PTPRT: variants seen among roughly 807,000 people sequenced by gnomAD.
PTPRT encodes the protein receptor-type tyrosine-protein phosphatase T.
A neutral mutation model predicts 176.8 loss-of-function variants in PTPRT; 56 were observed. That is an observed-to-expected ratio of 0.32 (90% confidence interval 0.26 to 0.40). The LOEUF is 0.40. PTPRT is among the 10% of genes least tolerant of loss of function. The pLI is 1.00. For synonymous variants in PTPRT, 783 were observed against 739.0 expected, an observed-to-expected ratio of 1.06 and a Z score of -0.96; for missense variants, 1,540 against 1,908.2, an observed-to-expected ratio of 0.81 and a Z score of 3.60.
chr20:42,568,477 CACCTATA>C (rs2073087523), intron 7 of PTPRT, among the ~76,000 whole-genome samples: 1 of 152,168 alleles, frequency 6.6e-6, no homozygotes, highest in African/African-American at 2.4e-5. Context: ...CTCCGAAGTC[CACCTATA>C]ACCTGCTTCT....
At chr20:42,678,272 C>A in intron 6 of PTPRT, 113 bp from the exon 7 acceptor site, 2 of 951,834 alleles carry the variant, frequency 2.1e-6, no homozygotes, top group Non-Finnish European at 3.0e-6. Context: ...AAAAAATAGT[C>A]AGAAACCCCT....
chr20:42,883,798 C>T (rs1479962523), intron 2 of PTPRT, among the ~76,000 whole-genome samples: 25 of 128,812 alleles, frequency 1.9e-4, no homozygotes, highest in Non-Finnish European at 2.5e-4. Context: ...CCCATACACA[C>T]ACAACCCTTA....
chr20:43,112,882 A>G (rs1044011751), intron 1 of PTPRT, among the ~76,000 whole-genome samples: 9 of 151,922 alleles, frequency 5.9e-5, no homozygotes, highest in Admixed American at 2.6e-4. Context: ...TAACTCATTC[A>G]TGATATAAAC....
chr20:42,275,832 G>C (rs1477253498), intron 13 of PTPRT, among the ~76,000 whole-genome samples: 1 of 152,142 alleles, frequency 6.6e-6, no homozygotes, highest in Non-Finnish European at 1.5e-5. Flanking sequence ...ACAAGTCAAG[G>C]AGAATTTGTT....
intron 8 of PTPRT, among the ~76,000 whole-genome samples, chr20:42,456,150 T>C (rs2070919708): frequency 6.6e-6 from 1 of 152,050 alleles, no homozygotes; most frequent in South Asian, 2.1e-4. Flanking sequence ...CTAAATACCT[T>C]ATATTTTTAT....
intron 9 of PTPRT, among the ~76,000 whole-genome samples, chr20:42,447,704 C>G (rs1253424637): frequency 6.6e-6 from 1 of 152,116 alleles, no homozygotes; most frequent in Non-Finnish European, 1.5e-5. Context: ...TAAGGCCCAG[C>G]TAATGCTTGG....
At chr20:42,748,994 T>G (rs527247534) in intron 6 of PTPRT, among the ~76,000 whole-genome samples, 2 of 152,180 alleles carry the variant, frequency 1.3e-5, no homozygotes, top group Admixed American at 6.5e-5. Context: ...CTGCCCTGAG[T>G]CTGCTTCTAG....
intron 16 of PTPRT, among the ~76,000 whole-genome samples, chr20:42,192,516 T>TG (rs940093737): frequency 6.6e-6 from 1 of 152,124 alleles, no homozygotes; most frequent in Non-Finnish European, 1.5e-5. Flanking sequence ...GAGGTCTGTG[T>TG]GGTAAAGAAC....
chr20:42,324,685 C>T (rs2057856211), intron 11 of PTPRT, among the ~76,000 whole-genome samples: 1 of 152,184 alleles, frequency 6.6e-6, no homozygotes, highest in Non-Finnish European at 1.5e-5. Flanking sequence ...CAAGTGTGAG[C>T]TTTGTAATGC....
intron 1 of PTPRT, among the ~76,000 whole-genome samples, chr20:42,921,047 T>C (rs1334013032): frequency 6.6e-6 from 1 of 152,166 alleles, no homozygotes; most frequent in Non-Finnish European, 1.5e-5. Flanking sequence ...AAAATGCTCA[T>C]GATGAAATGT....
At chr20:42,104,745 G>C (rs1296419210) in intron 24 of PTPRT, 27 bp from the exon 25 acceptor site, 12 of 1,543,098 alleles carry the variant, frequency 7.8e-6, no homozygotes, top group Non-Finnish European at 9.9e-6. Context: ...GAGGGAATGG[G>C]GTGCCAGGTA....
intron 3 of PTPRT, among the ~76,000 whole-genome samples, chr20:42,789,301 T>G (rs1180806839): frequency 6.6e-6 from 1 of 152,254 alleles, no homozygotes; most frequent in Non-Finnish European, 1.5e-5. Flanking sequence ...AAAATTAATT[T>G]CACTGATTTC....
At chr20:42,081,007 C>A in intron 30 of PTPRT, 75 bp from the exon 31 acceptor site, 1 of 1,277,046 alleles carries the variant, frequency 7.8e-7, no homozygotes, top group Non-Finnish European at 1.1e-6. Context: ...AGGGAAAATG[C>A]ATTTAGTTTA....
chr20:42,619,027 T>C (rs1209033388), intron 7 of PTPRT, among the ~76,000 whole-genome samples: 3 of 151,794 alleles, frequency 2.0e-5, no homozygotes, highest in Non-Finnish European at 4.4e-5. Context: ...TGCAGTTTCT[T>C]CCTAGTCTCG....
chr20:42,178,398 G>A (rs1990380784), intron 16 of PTPRT, among the ~76,000 whole-genome samples: 1 of 152,164 alleles, frequency 6.6e-6, no homozygotes. Flanking sequence ...CCTGGCAGCT[G>A]CAATGAGAGG....
chr20:42,147,132 C>A (rs1277345974), intron 17 of PTPRT, among the ~76,000 whole-genome samples: 1 of 152,178 alleles, frequency 6.6e-6, no homozygotes, highest in African/African-American at 2.4e-5. Context: ...GAAAGGGTAG[C>A]ATCTTTGTCA....
chr20:42,591,917 G>A (rs565426873), intron 7 of PTPRT, among the ~76,000 whole-genome samples: 17 of 150,442 alleles, frequency 1.1e-4, no homozygotes, highest in Admixed American at 1.3e-4. Context: ...CACAAACTTC[G>A]TTCTTAGTCT....
rs573241786 is a variant in PTPRT at position 42,439,292 on chromosome 20, C to A, written c.1560+8928G>T. 7.9e-5 allele frequency among the ~76,000 whole-genome samples: 12 copies of A among 152,158 alleles called. 1 individual carries two copies. The highest frequency in any genetic ancestry group is 2.7e-4 in the African/African-American group (11 of 41,486). On this transcript the variant is annotated intron_variant, in intron 9 of 30. Transcript: ENST00000373187. ...GTCTTTTTTAATCTCACAAAAAAAACCACAACAGGACTGACTTCCACTATT... is the reference window on the plus strand; with the variant it reads ...GTCTTTTTTAATCTCACAAAAAAAAACACAACAGGACTGACTTCCACTATT...
At chr20:42,509,040 ATAT>A (rs1208741133) in intron 7 of PTPRT, among the ~76,000 whole-genome samples, 1 of 40,188 alleles carries the variant, frequency 2.5e-5, no homozygotes, top group Non-Finnish European at 3.9e-5. Context: ...GATATAAATT[ATAT>A]AATTTATATT....
Sources: gnomAD v4.1 joint callset for allele counts (sites outside exome capture counted in the v4.1 genomes callset) on GRCh38, gnomAD v4.1.1 for gene constraint, MANE v1.5 for transcripts, NCBI Gene and HGNC (gene_info 2026-07-23, HGNC 2026-07-21) for gene names.